PCF11: variants seen among roughly 807,000 people sequenced by gnomAD.
PCF11 encodes the protein PCF11 cleavage and polyadenylation factor subunit.
PCF11 carries 19 observed loss-of-function variants against 166.1 expected under a neutral mutation model. The ratio of observed to expected loss-of-function variants is 0.11; its 90% CI spans 0.08 to 0.17. The LOEUF is 0.17. PCF11 is among the 10% of genes least tolerant of loss of function. PCF11 has a pLI of 1.00. For missense variants in PCF11, 1,565 were observed against 1,855.5 expected (o/e 0.84, Z 2.88); for synonymous variants, 663 against 644.1 (o/e 1.03, Z -0.44).
chr11:83,175,668 G>A (rs1449007764), intron 9 of PCF11, among the ~76,000 whole-genome samples: 1 of 152,108 alleles, frequency 6.6e-6, no homozygotes, highest in Non-Finnish European at 1.5e-5. Context: ...GCAGGAGAAC[G>A]GTGTGAACCC....
chr11:83,178,324 A>C (rs11233505), intron 11 of PCF11, among the ~76,000 whole-genome samples: 3,217 of 152,076 alleles, frequency 0.021, 89 homozygotes, highest in African/African-American at 0.072. Context: ...CTGGTCCCTC[A>C]AAATTTTCAT....
intron 15 of PCF11, among the ~76,000 whole-genome samples, chr11:83,183,321 T>A (rs1861147185): frequency 1.3e-5 from 2 of 152,210 alleles, no homozygotes; most frequent in African/African-American, 4.8e-5. Context: ...TTCCTTGCAT[T>A]TTATTCACTT....
intron 2 of PCF11, among the ~76,000 whole-genome samples, chr11:83,162,700 C>T (rs1280814663): frequency 6.6e-6 from 1 of 152,190 alleles, no homozygotes; most frequent in African/African-American, 2.4e-5. Flanking sequence ...TAAGGCTTTA[C>T]TGTCTATCCT....
Position 83,171,799 on chromosome 11 carries a change from A to G in PCF11, c.3661-19A>G. 7.5e-7 allele frequency: 1 copy of G among 1,338,262 alleles called. No individual in the cohort carries two copies. Among genetic ancestry groups the G allele is most frequent in the Non-Finnish European group, 1.1e-6 (1 of 931,880 alleles). 82.9% of individuals were successfully genotyped at this position (1,338,262 alleles called of 1,614,324 possible). ...GAAATATAGAAAGCATGTTCTTAAA[A>G]TTAAGGTTTTTCTTAAAGGTTCTGA... On this transcript the variant is annotated intron_variant, in intron 8 of 15. Transcript: ENST00000298281.
At chr11:83,168,261 A>G (rs188902392) in intron 7 of PCF11, among the ~76,000 whole-genome samples, 167 bp from the exon 8 acceptor site, 2 of 152,260 alleles carry the variant, frequency 1.3e-5, no homozygotes, top group Admixed American at 1.3e-4. Flanking sequence ...TTTGTTACTC[A>G]GGTGTGTCTG....
intron 1 of PCF11, among the ~76,000 whole-genome samples, chr11:83,160,748 TC>T (rs966235423): frequency 1.3e-5 from 2 of 152,164 alleles, no homozygotes; most frequent in Non-Finnish European, 2.9e-5. Flanking sequence ...ACTTGCAACT[TC>T]CTGCATGTTC....
chr11:83,179,802 A>G (rs1247057724), intron 11 of PCF11, among the ~76,000 whole-genome samples: 2 of 151,880 alleles, frequency 1.3e-5, no homozygotes, highest in East Asian at 3.9e-4. Context: ...TTGTAATCCC[A>G]GCTACTCGGG....
intron 3 of PCF11, 80 bp from the exon 4 acceptor site, chr11:83,164,127 G>C: frequency 1.1e-6 from 1 of 918,848 alleles, no homozygotes; most frequent in Non-Finnish European, 1.6e-6. Context: ...ATCATATTAA[G>C]AGTTAAGCTG....
At chr11:83,183,573 C>A (rs1861157050) in intron 15 of PCF11, among the ~76,000 whole-genome samples, 1 of 152,096 alleles carries the variant, frequency 6.6e-6, no homozygotes, top group Non-Finnish European at 1.5e-5. Context: ...TCACTGCAAC[C>A]TCCACCTCCT....
chr11:83,167,937 A>G lies in PCF11; in HGVS notation c.2092+432A>G. 8.0e-7 allele frequency: 1 copy of G among 1,255,934 alleles called. No homozygotes were observed. Among genetic ancestry groups the G allele is most frequent in the Non-Finnish European group, 1.0e-6 (1 of 973,148 alleles). The allele number at this position is 1,255,934 out of a possible 1,614,324, so 77.8% of individuals were successfully genotyped here. A position where few individuals can be genotyped will look rare whatever the true frequency, so the allele number is the denominator to read the frequency against. ...AATCAGATTATGCCTATTGAATCAC[A>G]CAGCAGTGAAGGGAAAATGAACAAG... On this transcript the variant is annotated intron_variant, in intron 7 of 15. Coordinates refer to ENST00000298281, the Ensembl canonical transcript of PCF11. This position sits in a 1 kb window ranked among gnomAD's most constrained non-coding sequence, Gnocchi z 4.2.
At chr11:83,157,805 G>T (rs543394999) in intron 1 of PCF11, 174 bp downstream of exon 1, 10 of 617,996 alleles carry the variant, frequency 1.6e-5, no homozygotes, top group African/African-American at 7.4e-5. Flanking sequence ...ATGGGCCTCT[G>T]GGGGGGAGGG....
At chr11:83,176,832 T>TAAAAAA (rs1860901188) in intron 9 of PCF11, among the ~76,000 whole-genome samples, 1 of 150,212 alleles carries the variant, frequency 6.7e-6, no homozygotes, top group South Asian at 2.1e-4. Context: ...AACTTAAAAG[T>TAAAAAA]ATAATAAAAA....
chr11:83,167,334 A>G lies in PCF11; in HGVS notation c.2001+26A>G. ...GTAGTTACTATGATTAATCCCATGTAGTCATCATTATCTATCGTCTATTTT... is the reference window on the plus strand; with the variant it reads ...GTAGTTACTATGATTAATCCCATGTGGTCATCATTATCTATCGTCTATTTT... On this transcript the variant is annotated intron_variant, in intron 6 of 15. Transcript: ENST00000298281. This position sits in a 1 kb window ranked among gnomAD's most constrained non-coding sequence, Gnocchi z 4.2. 6.4e-7 allele frequency: 1 copy of G among 1,574,580 alleles called. No homozygotes were observed. Among genetic ancestry groups the G allele is most frequent in the Non-Finnish European group, 8.6e-7 (1 of 1,160,678 alleles).
intron 9 of PCF11, among the ~76,000 whole-genome samples, chr11:83,173,385 G>A (rs920144157): frequency 2.6e-5 from 4 of 152,036 alleles, no homozygotes; most frequent in Admixed American, 6.5e-5. Context: ...AACCCAGGAG[G>A]TGGAGGTTGC....
At chr11:83,161,870 G>A (rs1860269344) in intron 2 of PCF11, among the ~76,000 whole-genome samples, 1 of 152,148 alleles carries the variant, frequency 6.6e-6, no homozygotes, top group Admixed American at 6.5e-5. Flanking sequence ...GTCTCAACCT[G>A]TGATTGGTTC....
exon 1 of PCF11, chr11:83,157,184 C>A: frequency 1.7e-6 from 1 of 574,538 alleles, no homozygotes; most frequent in Non-Finnish European, 3.1e-6. Context: ...GCCGCCACTG[C>A]CGCCGCCATT....
At chr11:83,170,308 T>G (rs1004806783) in intron 8 of PCF11, among the ~76,000 whole-genome samples, 1 of 152,196 alleles carries the variant, frequency 6.6e-6, no homozygotes. Context: ...TTGTGTGTCA[T>G]AGACCTCTAC....
In PCF11 at chr11:83,169,559, T is replaced by G. The variant is rs774909471; in HGVS notation, c.3224T>G (p.Phe1075Cys). 1.9e-6 allele frequency: 3 copies of G among 1,613,900 alleles called. No individual in the cohort carries two copies. In the African/African-American group the frequency reaches 4.0e-5, roughly 22 times the overall value. ...CCTGGTCAGCCAGGCCCTCAGAGGT[T>G]TGATGGACCACCTGGACAGCAGGTT... Residue 1075 changes from phenylalanine (F) to cysteine (C), a missense_variant, in exon 8 of 16, where the codon TTT becomes TGT. Coordinates refer to ENST00000298281, the Ensembl canonical transcript of PCF11.
intron 11 of PCF11, among the ~76,000 whole-genome samples, chr11:83,178,204 G>C (rs1860953785): frequency 6.6e-6 from 1 of 151,866 alleles, no homozygotes; most frequent in African/African-American, 2.4e-5. Flanking sequence ...ATTTTTAGTA[G>C]AGATGGGGTT....
Sources: gnomAD v4.1 joint callset for allele counts (sites outside exome capture counted in the v4.1 genomes callset) on GRCh38, gnomAD v4.1.1 for gene constraint, Gnocchi (gnomAD v3.1) non-coding constraint, MANE v1.5 for transcripts, NCBI Gene and HGNC (gene_info 2026-07-23, HGNC 2026-07-21) for gene names.